CFAP65: variants seen among roughly 807,000 people sequenced by gnomAD.
The protein encoded by CFAP65 is cilia and flagella associated protein 65, also known as cilia- and flagella-associated protein 65.
Under a neutral mutation model 208.0 loss-of-function variants are expected in CFAP65, and 155 were observed. That is an observed-to-expected ratio of 0.75 (90% confidence interval 0.65 to 0.85). The LOEUF is 0.85. Among genes scored for constraint, CFAP65 ranks in the 40% least tolerant of loss-of-function variants. The pLI, the probability that CFAP65 is intolerant of heterozygous loss-of-function variation, is 0.00. For synonymous variants in CFAP65, 970 were observed against 986.3 expected (o/e 0.98, Z 0.31); for missense variants, 2,294 against 2,451.3 (o/e 0.94, Z 1.36).
chr2:219,013,540 C>A lies in CFAP65; in HGVS notation c.3825G>T (p.Val1275=). ...TCACCAGGATCTCCCGGCCATGGGA[C>A]ACCTTGAAGAGCACTGGGAGGTGAT... ...GTDHLPVLFK[V]SHGREILLNF... is the part of the protein sequence containing the mutation. Residue 1275 remains valine, a synonymous_variant, in exon 23 of 35, where the codon GTG becomes GTT. Coordinates refer to ENST00000341552, the MANE Select transcript of CFAP65 (RefSeq NM_194302.4). 1 of 1,601,186 alleles carries A rather than the reference C, an allele frequency of 6.2e-7. No individual in the cohort carries two copies. Among genetic ancestry groups the A allele is most frequent in the Non-Finnish European group, 8.5e-7 (1 of 1,175,258 alleles).
chr2:219,017,701 G>A (rs1225368957), intron 21 of CFAP65, among the ~76,000 whole-genome samples: 1 of 152,228 alleles, frequency 6.6e-6, no homozygotes, highest in Non-Finnish European at 1.5e-5. Context: ...GAGAGTGTGA[G>A]CTGGTTGCTC....
intron 26 of CFAP65, 39 bp from the exon 27 acceptor site, chr2:219,010,124 C>A (rs759594945): frequency 4.5e-6 from 7 of 1,544,978 alleles, no homozygotes; most frequent in African/African-American, 1.4e-5. Context: ...TAAGAACCGG[C>A]CAGGCATGGT....
rs58105158 is a variant in CFAP65 at position 219,004,885 on chromosome 2, TTC to T, written c.5052-432_5052-431del. On this transcript the variant is annotated intron_variant, in intron 32 of 34. Transcript: ENST00000341552. The surrounding 1 kb of genome is among the most constrained non-coding windows in gnomAD (Gnocchi z 4.7). ...AAGAAGTTCTGTTTCTTTTTTTCTT[TTC>T]TCTCTCTCTCTATTTCTCTCTTTCT... Among the ~76,000 whole-genome samples the T allele has an allele frequency of 0.089, 13,070 of 147,630 alleles. 1,993 individuals are homozygous for T. Among genetic ancestry groups the T allele is most frequent in the African/African-American group, 0.32 (12,241 of 38,024 alleles).
At chr2:219,013,225 C>T (rs755970614) in intron 24 of CFAP65, 34 bp downstream of exon 24, 8 of 1,433,814 alleles carry the variant, frequency 5.6e-6, no homozygotes, top group Middle Eastern at 1.8e-4. Flanking sequence ...ACACTTAGGC[C>T]TTCTTGGTCA....
At chr2:219,018,920 C>G in intron 21 of CFAP65, 131 bp downstream of exon 21, 2 of 1,279,528 alleles carry the variant, frequency 1.6e-6, no homozygotes, top group Non-Finnish European at 2.2e-6. Context: ...CCACAGCCGT[C>G]AATGTGAGGT....
At chr2:219,025,855 T>C (rs1457396108) in intron 14 of CFAP65, among the ~76,000 whole-genome samples, 167 bp downstream of exon 14, 2 of 152,116 alleles carry the variant, frequency 1.3e-5, no homozygotes, top group South Asian at 2.1e-4. Context: ...GAGCAAGTCC[T>C]CAGCCGGCCC....
rs1265917948 is a variant in CFAP65, at chr2:219,031,898, G to C, written c.646-240C>G. The stretch of plus-strand genomic sequence containing the variant: ...TGGGGAGTGGCAGGAAGAGGCCAAG[G>C]AATGTAGAAGGGGTTTCTTTTCTTT... On this transcript the variant is annotated intron_variant, in intron 6 of 34. Coordinates refer to ENST00000341552, the MANE Select transcript of CFAP65 (RefSeq NM_194302.4). The surrounding 1 kb of genome is among the most constrained non-coding windows in gnomAD (Gnocchi z 5.2). Among the ~76,000 whole-genome samples, 1 of 151,852 alleles carries C rather than the reference G, an allele frequency of 6.6e-6. No homozygotes were observed. Among genetic ancestry groups the C allele is most frequent in the Non-Finnish European group, 1.5e-5 (1 of 67,968 alleles).
intron 29 of CFAP65, 50 bp downstream of exon 29, chr2:219,008,997 A>C: frequency 6.6e-7 from 1 of 1,503,820 alleles, no homozygotes. Flanking sequence ...CCCTCTGGTA[A>C]GGCCAGTCAG....
At chr2:219,029,767 A>G in intron 10 of CFAP65, 99 bp from the exon 11 acceptor site, 2 of 1,429,170 alleles carry the variant, frequency 1.4e-6, no homozygotes, top group Non-Finnish European at 1.9e-6. Context: ...ACAGGCCCAG[A>G]GCCCTGGCAG....
rs377529110 is a variant in CFAP65 at position 219,035,433 on chromosome 2, G to A, written c.542+47C>T. On this transcript the variant is annotated intron_variant, in intron 5 of 34. Transcript: ENST00000341552. ...TTTGTTTTGAAGAGAGCCTGCTTTC[G>A]GGGCTCAAGGCTGTGGCACTGGGTC... 192 of 1,613,636 alleles carry A rather than the reference G, an allele frequency of 1.2e-4. 1 individual carries two copies. The highest frequency in any genetic ancestry group is 1.6e-4 in the East Asian group (7 of 44,888).
intron 4 of CFAP65, among the ~76,000 whole-genome samples, chr2:219,036,015 C>A (rs1948335517): frequency 6.6e-6 from 1 of 152,210 alleles, no homozygotes; most frequent in Non-Finnish European, 1.5e-5. Context: ...GATAGCACCC[C>A]ATCAGGTGCC....
chr2:219,019,235 T>C (rs1947110399), intron 20 of CFAP65, 56 bp from the exon 21 acceptor site: 1 of 1,542,644 alleles, frequency 6.5e-7, no homozygotes, highest in South Asian at 1.3e-5. Context: ...GGCAGGGCCC[T>C]CCCAGGGATG....
In CFAP65 at chr2:219,021,814, C is replaced by G; in HGVS notation, c.3096G>C (p.Gln1032His). 6.2e-7 allele frequency: 1 copy of G among 1,613,812 alleles called. No individual in the cohort carries two copies. The highest frequency in any genetic ancestry group is 1.7e-5 in the Admixed American group (1 of 60,022). The part of the protein sequence containing the change: ...CTLYYRLYLE[Q>H]GSPEAVDNHP... ...GGTTGTCAACGGCCTCAGGGCTGCCCTGCTCCAGGTAGAGGCGGTAATAGA... is the reference window on the plus strand; with the variant it reads ...GGTTGTCAACGGCCTCAGGGCTGCCGTGCTCCAGGTAGAGGCGGTAATAGA... Residue 1032 changes from glutamine to histidine, a missense_variant, in exon 18 of 35, where the codon CAG (glutamine) becomes CAC (histidine). This residue lies in a region of CFAP65 where 1,427 missense variants were observed against 1,438.7 expected (regional missense o/e 0.99). Transcript: ENST00000341552.
chr2:219,007,172 T>G (rs903147788), intron 29 of CFAP65, among the ~76,000 whole-genome samples: 14 of 150,780 alleles, frequency 9.3e-5, no homozygotes, highest in Middle Eastern at 3.4e-3. Flanking sequence ...TTGTTTGTTT[T>G]TTTTTCTTTG....
intron 9 of CFAP65, 142 bp downstream of exon 9, chr2:219,030,547 C>A (rs1947945466): frequency 2.6e-6 from 3 of 1,156,800 alleles, no homozygotes; most frequent in Non-Finnish European, 3.7e-6. Context: ...GAAGGACACA[C>A]CTGTTGACAG....
At chr2:219,033,384 G>A (rs1241021528) in intron 5 of CFAP65, among the ~76,000 whole-genome samples, 1 of 152,150 alleles carries the variant, frequency 6.6e-6, no homozygotes, top group Non-Finnish European at 1.5e-5. Flanking sequence ...GCTGAGGAAG[G>A]AGGATTGCTT....
At position 219,032,680 on chromosome 2, in the gene CFAP65, C is replaced by T; in HGVS notation, c.543-108G>A. 1 of 941,164 alleles carries T rather than the reference C, an allele frequency of 1.1e-6. No homozygotes were observed. Among genetic ancestry groups the T allele is most frequent in the Non-Finnish European group, 1.6e-6 (1 of 627,644 alleles). 58.3% of individuals were successfully genotyped at this position (941,164 alleles called of 1,614,324 possible). A position where few individuals can be genotyped will look rare whatever the true frequency, so the allele number is the denominator to read the frequency against. On this transcript the variant is annotated intron_variant, in intron 5 of 34. Transcript: ENST00000341552. This position sits in a 1 kb window ranked among gnomAD's most constrained non-coding sequence, Gnocchi z 5.5. ...GCCAAGGGAGCTTGAGTCCCTGGGA[C>T]CACAGAGAAAGCGATCAGGAGATGA... is the stretch of plus-strand genomic sequence containing the variant.
intron 11 of CFAP65, 129 bp from the exon 12 acceptor site, chr2:219,028,530 G>T: frequency 1.3e-6 from 1 of 778,804 alleles, no homozygotes; most frequent in Non-Finnish European, 2.2e-6. Flanking sequence ...AGCTCCAGGT[G>T]GCCAGTGAGC....
Position 219,004,035 on chromosome 2 carries a change from C to T in CFAP65, c.5472G>A (p.Glu1824=), listed in dbSNP as rs146656596. 99 of 1,613,998 alleles carry T rather than the reference C, an allele frequency of 6.1e-5. 2 individuals are homozygous for T. In the Middle Eastern group the frequency reaches 4.9e-3, roughly 80 times the overall value. Residue 1824 remains glutamate (E), a synonymous_variant, in exon 33 of 35, where the codon GAG becomes GAA. Coordinates refer to ENST00000341552, the MANE Select transcript of CFAP65 (RefSeq NM_194302.4). The surrounding 1 kb of genome is among the most constrained non-coding windows in gnomAD (Gnocchi z 4.7). ...GCTGTTGCCACTGCCATTGCATGGA[C>T]TCCTGGGACTCAGGCTGTGGTGTGG... ...IGPTPQPESQ[E]SMQWQWQQQL... is the part of the protein sequence containing the mutation.
Sources: allele counts gnomAD v4.1 joint callset (sites outside exome capture counted in the v4.1 genomes callset), GRCh38; gene constraint gnomAD v4.1.1; regional missense constraint gnomAD v4.1.1; non-coding constraint Gnocchi (gnomAD v3.1); transcripts MANE v1.5; gene names NCBI Gene and HGNC (gene_info 2026-07-23, HGNC 2026-07-21).